Variants in MAGI1 observed in about 807,000 individuals in gnomAD.
The protein encoded by MAGI1 is membrane associated guanylate kinase, WW and PDZ domain containing 1, also known as membrane-associated guanylate kinase, WW and PDZ domain-containing protein 1.
In MAGI1, 58 loss-of-function variants were observed where a neutral mutation model predicts 139.9. The observed-to-expected ratio is 0.41, with a 90% CI of 0.34 to 0.52. MAGI1 has a LOEUF of 0.52. MAGI1 is among the 20% of genes least tolerant of loss of function. The pLI, the probability that MAGI1 is intolerant of heterozygous loss-of-function variation, is 0.12. For synonymous variants in MAGI1, 812 were observed against 737.9 expected, an observed-to-expected ratio of 1.10 and a Z score of -1.63; for missense variants, 1,874 against 1,901.6, an observed-to-expected ratio of 0.99 and a Z score of 0.27.
chr3:65,491,505 T>C (rs965580533), intron 3 of MAGI1, among the ~76,000 whole-genome samples: 1 of 152,066 alleles, frequency 6.6e-6, no homozygotes, highest in Non-Finnish European at 1.5e-5. Flanking sequence ...TCTCCAAAAA[T>C]GCAAATAGAT....
At chr3:65,583,354 G>A (rs1267431551) in intron 2 of MAGI1, among the ~76,000 whole-genome samples, 1 of 152,152 alleles carries the variant, frequency 6.6e-6, no homozygotes, top group Non-Finnish European at 1.5e-5. Flanking sequence ...CATGCGTCTT[G>A]CAAGACAGCT....
At chr3:65,360,049 A>C in intron 22 of MAGI1, 1 of 985,054 alleles carries the variant, frequency 1.0e-6, no homozygotes, top group Admixed American at 6.2e-5. Context: ...TCTAATACCC[A>C]CCCTCCCCCT....
At chr3:65,874,580 A>G (rs1178191101) in intron 1 of MAGI1, 1 of 152,236 alleles carries the variant, frequency 6.6e-6, no homozygotes, top group African/African-American at 2.4e-5. Context: ...GATCGACTTC[A>G]TACACCTTTG....
intron 12 of MAGI1, among the ~76,000 whole-genome samples, chr3:65,418,769 G>T (rs564506472): frequency 2.6e-5 from 4 of 152,078 alleles, no homozygotes; most frequent in African/African-American, 7.2e-5. Context: ...AGATCTTCTC[G>T]AACAGCTTAC....
At chr3:65,782,574 G>A (rs902182545) in intron 1 of MAGI1, among the ~76,000 whole-genome samples, 11 of 71,598 alleles carry the variant, frequency 1.5e-4, no homozygotes, top group Non-Finnish European at 2.9e-4. Context: ...GACCAAAGGA[G>A]AATAAAAACT....
intron 1 of MAGI1, among the ~76,000 whole-genome samples, chr3:65,789,181 A>C (rs2039590215): frequency 6.6e-6 from 1 of 152,136 alleles, no homozygotes; most frequent in Admixed American, 6.5e-5. Flanking sequence ...TCTATCTCTA[A>C]AAAAATAACA....
At chr3:65,689,831 T>A (rs1307160154) in intron 1 of MAGI1, among the ~76,000 whole-genome samples, 2 of 152,198 alleles carry the variant, frequency 1.3e-5, no homozygotes, top group Non-Finnish European at 2.9e-5. Flanking sequence ...TCTTTTTAAT[T>A]CAATTCACAG....
chr3:65,761,368 A>G (rs1026624555), intron 1 of MAGI1, among the ~76,000 whole-genome samples: 1 of 152,310 alleles, frequency 6.6e-6, no homozygotes, highest in South Asian at 2.1e-4. Context: ...GAGTCAAATG[A>G]AGAATACTGT....
chr3:65,999,630 T>C (rs2066634552), intron 1 of MAGI1, among the ~76,000 whole-genome samples: 1 of 152,178 alleles, frequency 6.6e-6, no homozygotes, highest in Non-Finnish European at 1.5e-5. Context: ...CTCAAATCAC[T>C]TTCTACACAT....
chr3:65,918,703 C>A (rs2062026464), intron 1 of MAGI1, among the ~76,000 whole-genome samples: 2 of 152,150 alleles, frequency 1.3e-5, no homozygotes, highest in South Asian at 2.1e-4. Context: ...AAACTGATTT[C>A]TTTTGCCAAC....
intron 2 of MAGI1, among the ~76,000 whole-genome samples, chr3:65,614,148 A>G (rs1446506615): frequency 6.6e-6 from 1 of 152,278 alleles, no homozygotes; most frequent in East Asian, 1.9e-4. Flanking sequence ...ATCACATCTG[A>G]ATGTTCTAGA....
chr3:65,758,732 C>T (rs945427914), intron 1 of MAGI1, among the ~76,000 whole-genome samples: 1 of 151,918 alleles, frequency 6.6e-6, no homozygotes, highest in Non-Finnish European at 1.5e-5. Context: ...AAGTATTCGG[C>T]CTCAAATATG....
At chr3:65,988,465 T>G (rs891242182) in intron 1 of MAGI1, among the ~76,000 whole-genome samples, 14 of 152,286 alleles carry the variant, frequency 9.2e-5, no homozygotes, top group African/African-American at 3.4e-4. Context: ...CAAGGCAAGA[T>G]TTCTACTAAC....
intron 1 of MAGI1, among the ~76,000 whole-genome samples, chr3:65,787,693 T>C (rs2039491297): frequency 6.6e-6 from 1 of 151,958 alleles, no homozygotes; most frequent in Non-Finnish European, 1.5e-5. Context: ...GACAAGTTCA[T>C]GGTGTTATGG....
intron 2 of MAGI1, among the ~76,000 whole-genome samples, chr3:65,496,208 A>AT (rs34556532): frequency 0.27 from 38,956 of 146,718 alleles, 5,502 homozygotes; most frequent in African/African-American, 0.35. Flanking sequence ...CACCCAGCTA[A>AT]TTTTTTTTTT....
At chr3:65,539,528 A>T (rs1025183273) in intron 2 of MAGI1, among the ~76,000 whole-genome samples, 1 of 152,208 alleles carries the variant, frequency 6.6e-6, no homozygotes, top group Non-Finnish European at 1.5e-5. Context: ...CAAACAAAAA[A>T]GATGCCTGTG....
chr3:65,632,619 A>T (rs149767616), intron 1 of MAGI1, among the ~76,000 whole-genome samples: 2 of 152,336 alleles, frequency 1.3e-5, no homozygotes, highest in African/African-American at 2.4e-5. Context: ...AAATATTTCC[A>T]TAAAAAGCTA....
intron 2 of MAGI1, among the ~76,000 whole-genome samples, chr3:65,590,174 T>C (rs2081905032): frequency 6.6e-6 from 1 of 152,186 alleles, no homozygotes; most frequent in South Asian, 2.1e-4. Flanking sequence ...CAGGTCAGTC[T>C]CTGTGCTCCC....
rs140965336 is a variant in MAGI1, at chr3:65,368,899, C to G, written c.3197-3953G>C. Among the ~76,000 whole-genome samples, 869 of 152,242 alleles carry G rather than the reference C, an allele frequency of 5.7e-3. 7 individuals carry two copies. Among genetic ancestry groups the G allele is most frequent in the African/African-American group, 0.02 (821 of 41,534 alleles). ...GATTTTCATTATATTGAACTTGATTCAATCTGATGGTTCCATGTTACCTGG... is the reference window on the plus strand; with the variant it reads ...GATTTTCATTATATTGAACTTGATTGAATCTGATGGTTCCATGTTACCTGG... On this transcript the variant is annotated intron_variant, in intron 18 of 22. Coordinates refer to ENST00000402939, the MANE Select transcript of MAGI1 (RefSeq NM_001033057.2).
Sources: allele counts gnomAD v4.1 joint callset (sites outside exome capture counted in the v4.1 genomes callset), GRCh38; gene constraint gnomAD v4.1.1; transcripts MANE v1.5; gene names NCBI Gene and HGNC (gene_info 2026-07-23, HGNC 2026-07-21).